The following ASB3 variants were observed in gnomAD, a reference collection of about 807,000 sequenced individuals.
ASB3 encodes the protein ankyrin repeat and SOCS box protein 3.
Under a neutral mutation model 54.5 loss-of-function variants are expected in ASB3, and 41 were observed. The observed-to-expected ratio is 0.75, with a 90% CI of 0.59 to 0.98. The LOEUF is 0.98. Ranked by LOEUF, ASB3 falls within the 50% of genes least tolerant of loss-of-function variation. ASB3 has a pLI of 0.00. For synonymous variants in ASB3, 266 were observed against 221.2 expected, an observed-to-expected ratio of 1.20 and a Z score of -1.80; for missense variants, 733 against 620.0, an observed-to-expected ratio of 1.18 and a Z score of -1.94.
intron 5 of ASB3, among the ~76,000 whole-genome samples, chr2:53,720,138 C>CAAAA (rs199786882): frequency 7.1e-6 from 1 of 141,080 alleles, no homozygotes. Flanking sequence ...ATCAGAAACT[C>CAAAA]AAAAAAAAAA....
chr2:53,755,901 C>A (rs1202919988), intron 2 of ASB3, among the ~76,000 whole-genome samples: 1 of 152,100 alleles, frequency 6.6e-6, no homozygotes, highest in African/African-American at 2.4e-5. Flanking sequence ...CCTGTAATCC[C>A]AGCACTTTGG....
intron 1 of ASB3, chr2:53,767,972 G>A (rs1573001898): frequency 6.2e-7 from 1 of 1,614,130 alleles, no homozygotes; most frequent in East Asian, 2.2e-5. Context: ...ACCAACTACA[G>A]CAGGCGCTTC....
chr2:53,755,987 C>CCA (rs565579071), intron 2 of ASB3, among the ~76,000 whole-genome samples: 3 of 149,878 alleles, frequency 2.0e-5, no homozygotes, highest in Non-Finnish European at 4.5e-5. Flanking sequence ...ACCCCCCCCC[C>CCA]ACCTCTACAA....
chr2:53,673,256 C>T (rs922804755), intron 9 of ASB3, among the ~76,000 whole-genome samples: 1 of 152,172 alleles, frequency 6.6e-6, no homozygotes, highest in Non-Finnish European at 1.5e-5. Flanking sequence ...TTCTTAGGAA[C>T]ATGAATACTT....
intron 9 of ASB3, among the ~76,000 whole-genome samples, chr2:53,692,519 C>A (rs1463977485): frequency 6.6e-6 from 1 of 152,138 alleles, no homozygotes; most frequent in Middle Eastern, 3.2e-3. Context: ...ATGATTATTA[C>A]CCTACACAAA....
At chr2:53,733,099 C>T (rs1558546848) in intron 3 of ASB3, among the ~76,000 whole-genome samples, 2 of 152,110 alleles carry the variant, frequency 1.3e-5, no homozygotes, top group Admixed American at 6.5e-5. Context: ...CAACCACTCA[C>T]GTATCTATAA....
rs1673405713 is a variant in ASB3, at chr2:53,765,692, CGAA to C, written c.-13-110_-13-108del. 3.9e-6 allele frequency: 5 copies of C among 1,289,568 alleles called. No individual in the cohort carries two copies. In the Admixed American group the frequency reaches 9.0e-5, roughly 23 times the overall value. 79.9% of individuals were successfully genotyped at this position (1,289,568 alleles called of 1,614,324 possible). Reference sequence around the variant, plus strand: ...TGTCTAGTATCTCTCACATGACTGACGAAGAAGGGCCCACAATACAGAAAGTGA... The same window carrying C: ...TGTCTAGTATCTCTCACATGACTGACGAAGGGCCCACAATACAGAAAGTGA... On this transcript the variant is annotated intron_variant, in intron 1 of 9. Coordinates refer to ENST00000263634, the MANE Select transcript of ASB3 (RefSeq NM_016115.5).
intron 3 of ASB3, among the ~76,000 whole-genome samples, chr2:53,730,569 G>A (rs746190651): frequency 4.6e-5 from 7 of 152,104 alleles, no homozygotes; most frequent in Admixed American, 1.3e-4. Flanking sequence ...ACCCAGTAAC[G>A]GGATTGCTGG....
intron 2 of ASB3, among the ~76,000 whole-genome samples, chr2:53,758,990 G>C (rs1572982042): frequency 6.6e-6 from 1 of 152,280 alleles, no homozygotes; most frequent in East Asian, 1.9e-4. Context: ...TTTTACAAGG[G>C]TTAGAACAAT....
chr2:53,714,827 T>C (rs1172586299), intron 6 of ASB3, among the ~76,000 whole-genome samples: 1 of 152,202 alleles, frequency 6.6e-6, no homozygotes, highest in Non-Finnish European at 1.5e-5. Flanking sequence ...TTAATGTTCC[T>C]ATATGTAAAC....
At chr2:53,744,007 C>T (rs1359175932) in intron 3 of ASB3, among the ~76,000 whole-genome samples, 1 of 149,884 alleles carries the variant, frequency 6.7e-6, no homozygotes, top group African/African-American at 2.5e-5. Flanking sequence ...CGCACCACTG[C>T]ACTCCAGCCT....
chr2:53,774,155 G>T, intron 1 of ASB3: 1 of 1,608,024 alleles, frequency 6.2e-7, no homozygotes, highest in Non-Finnish European at 8.5e-7. Flanking sequence ...TGTGTATGGG[G>T]TGTTGCTTAC....
At chr2:53,782,032 G>A (rs535410795) in intron 1 of ASB3, among the ~76,000 whole-genome samples, 4 of 152,252 alleles carry the variant, frequency 2.6e-5, no homozygotes, top group Non-Finnish European at 4.4e-5. Context: ...AAATTAGCTA[G>A]GCAGGCTGGT....
intron 1 of ASB3, chr2:53,772,050 AT>A: frequency 1.5e-6 from 1 of 669,352 alleles, no homozygotes; most frequent in Non-Finnish European, 2.5e-6. Flanking sequence ...ACTACCCTAA[AT>A]TTAGAATTCT....
intron 3 of ASB3, among the ~76,000 whole-genome samples, chr2:53,736,596 G>C (rs1671645575): frequency 6.6e-6 from 1 of 152,074 alleles, no homozygotes; most frequent in African/African-American, 2.4e-5. Flanking sequence ...CTACTTGGGA[G>C]GCCGAGGCAG....
intron 3 of ASB3, among the ~76,000 whole-genome samples, chr2:53,733,253 G>A (rs541337750): frequency 6.6e-6 from 1 of 152,296 alleles, no homozygotes; most frequent in South Asian, 2.1e-4. Context: ...GTCAGCAACA[G>A]CAAATTAACT....
rs557776942 is a variant in ASB3, at chr2:53,720,217, G to A, written c.605-3474C>T. On this transcript the variant is annotated intron_variant, in intron 5 of 9. Transcript: ENST00000263634. ...TACTCTCCCCACTTTGAGTTGTCCC[G>A]CTTTTCCAGACAGAACCAATGTATA... Among the ~76,000 whole-genome samples the A allele has an allele frequency of 6.7e-4, 101 of 151,356 alleles. 2 individuals carry two copies. In the South Asian group the frequency reaches 0.014, roughly 21 times the overall value.
intron 6 of ASB3, 127 bp downstream of exon 6, chr2:53,716,439 C>T (rs1670395474): frequency 1.7e-6 from 2 of 1,177,546 alleles, no homozygotes; most frequent in South Asian, 3.4e-5. Flanking sequence ...TAGATCTGTT[C>T]ACCCAGCAGA....
chr2:53,675,342 AATAAAATAAGCCAAT>A lies in ASB3; in HGVS notation c.1370-4667_1370-4653del, dbSNP rs771714569. On this transcript the variant is annotated intron_variant, in intron 9 of 9. Coordinates refer to ENST00000263634, the MANE Select transcript of ASB3 (RefSeq NM_016115.5). Reference sequence around the variant, plus strand: ...TAACCAAACATTATTTGTACTATAAAATAAAATAAGCCAATATAAAATAAGATATATACTTTAAAT... The same window carrying A: ...TAACCAAACATTATTTGTACTATAAAATAAAATAAGATATATACTTTAAAT... 6.6e-4 allele frequency among the ~76,000 whole-genome samples: 100 copies of A among 152,210 alleles called. 1 individual carries two copies. Among genetic ancestry groups the A allele is most frequent in the Admixed American group, 9.2e-4 (14 of 15,282 alleles).
Sources: gnomAD v4.1 joint callset for allele counts (sites outside exome capture counted in the v4.1 genomes callset) on GRCh38, gnomAD v4.1.1 for gene constraint, MANE v1.5 for transcripts, NCBI Gene and HGNC (gene_info 2026-07-23, HGNC 2026-07-21) for gene names.